BEND3: variants seen among roughly 807,000 people sequenced by gnomAD.
The protein encoded by BEND3 is BEN domain-containing protein 3.
Under a neutral mutation model 60.1 loss-of-function variants are expected in BEND3, and 13 were observed. The ratio of observed to expected loss-of-function variants is 0.22; its 90% CI spans 0.14 to 0.34. BEND3 has a LOEUF of 0.34. Ranked by LOEUF, BEND3 falls within the 10% of genes least tolerant of loss-of-function variation. The pLI is 1.00. For missense variants in BEND3, 896 were observed against 1,138.1 expected, an observed-to-expected ratio of 0.79 and a Z score of 3.06; for synonymous variants, 497 against 491.5, an observed-to-expected ratio of 1.01 and a Z score of -0.15.
chr6:107,102,756 G>T (rs1170598576), intron 1 of BEND3, among the ~76,000 whole-genome samples: 1 of 152,208 alleles, frequency 6.6e-6, no homozygotes, highest in African/African-American at 2.4e-5. Flanking sequence ...GCAGTGGGGA[G>T]TGAGGTGAGC....
intron 3 of BEND3, among the ~76,000 whole-genome samples, chr6:107,085,567 C>T (rs61282127): frequency 0.31 from 47,787 of 151,740 alleles, 7,698 homozygotes; most frequent in Admixed American, 0.39. Flanking sequence ...TCTCGGCTCA[C>T]TGCTAGCTCT....
At chr6:107,086,367 A>C (rs1775347563) in intron 3 of BEND3, among the ~76,000 whole-genome samples, 1 of 152,084 alleles carries the variant, frequency 6.6e-6, no homozygotes, top group African/African-American at 2.4e-5. Flanking sequence ...TGGTAATCCC[A>C]GCACCCCAGG....
At chr6:107,090,481 T>G (rs1222571091) in intron 3 of BEND3, among the ~76,000 whole-genome samples, 1 of 152,226 alleles carries the variant, frequency 6.6e-6, no homozygotes, top group African/African-American at 2.4e-5. Flanking sequence ...AAGGAATAAC[T>G]GAAGGTAAAA....
intron 1 of BEND3, among the ~76,000 whole-genome samples, chr6:107,103,960 AAAGAAAG>A (rs1442755610): frequency 5.7e-4 from 6 of 10,476 alleles, no homozygotes; most frequent in African/African-American, 1.7e-3. Context: ...AAAAAAAAAA[AAAGAAAG>A]AAAGAAAGAA....
intron 3 of BEND3, among the ~76,000 whole-genome samples, chr6:107,090,327 C>T (rs906028686): frequency 5.3e-5 from 8 of 151,896 alleles, no homozygotes; most frequent in Admixed American, 6.6e-5. Flanking sequence ...CCAGCCTGGA[C>T]GACAGAGCAA....
intron 3 of BEND3, among the ~76,000 whole-genome samples, chr6:107,098,285 C>T (rs1554236275): frequency 1.3e-5 from 2 of 152,218 alleles, no homozygotes; most frequent in African/African-American, 4.8e-5. Context: ...CTCCTGCTTT[C>T]CCCCACAAAG....
At chr6:107,114,565 C>A (rs1554238999) in intron 1 of BEND3, 1 of 151,608 alleles carries the variant, frequency 6.6e-6, no homozygotes, top group Non-Finnish European at 1.5e-5. Flanking sequence ...CAGTCCCCGC[C>A]CCCTGCTCCC....
At chr6:107,073,851 A>G (rs1458808694) in intron 3 of BEND3, among the ~76,000 whole-genome samples, 4 of 151,892 alleles carry the variant, frequency 2.6e-5, no homozygotes, top group Non-Finnish European at 5.9e-5. Context: ...ACACCACTGC[A>G]CTCCAGCCTG....
rs1363088512 is a variant in BEND3 at position 107,103,958 on chromosome 6, AAAAAGAAAGAAAGAAAG to A, written c.-11-4679_-11-4663del. On this transcript the variant is annotated intron_variant, in intron 1 of 3. Transcript: ENST00000369042. Reference sequence around the variant, plus strand: ...AGCGAAACTCCGTCTCAAAAAAAAAAAAAAGAAAGAAAGAAAGAAAGAAAGAAAGAAAAAACAAAGAA... The same window carrying A: ...AGCGAAACTCCGTCTCAAAAAAAAAAAAAGAAAGAAAGAAAAAACAAAGAA... 4.8e-5 allele frequency among the ~76,000 whole-genome samples: 6 copies of A among 125,676 alleles called. 1 individual carries two copies. In the South Asian group the frequency reaches 1.2e-3, roughly 26 times the overall value. 82.4% of individuals were successfully genotyped at this position (125,676 alleles called of 152,430 possible).
At chr6:107,098,898 T>C in intron 2 of BEND3, 145 bp from the exon 3 acceptor site, 1 of 665,560 alleles carries the variant, frequency 1.5e-6, no homozygotes, top group South Asian at 1.9e-5. Context: ...AAACCTGAGC[T>C]TTCCAACGAT....
intron 1 of BEND3, chr6:107,114,351 C>G (rs1329838363): frequency 6.6e-6 from 1 of 152,114 alleles, no homozygotes; most frequent in African/African-American, 2.4e-5. Context: ...GGGCCCGCCT[C>G]CAGCTCCTGG....
intron 1 of BEND3, among the ~76,000 whole-genome samples, chr6:107,114,782 C>T (rs1450738126): frequency 6.8e-6 from 1 of 146,728 alleles, no homozygotes; most frequent in Non-Finnish European, 1.5e-5. Context: ...GAACCCCCCG[C>T]CCCCGCGCGG....
At chr6:107,071,838 T>G (rs1439393934) in intron 3 of BEND3, among the ~76,000 whole-genome samples, 1 of 152,206 alleles carries the variant, frequency 6.6e-6, no homozygotes, top group Non-Finnish European at 1.5e-5. Flanking sequence ...AGTGACAGAA[T>G]GCAGATAGTC....
chr6:107,114,696 C>T (rs1383100837), intron 1 of BEND3, among the ~76,000 whole-genome samples: 1 of 147,082 alleles, frequency 6.8e-6, no homozygotes, highest in Non-Finnish European at 1.5e-5. Flanking sequence ...CATCGCGGCG[C>T]CCGGCGGGGG....
chr6:107,072,435 T>C (rs1050459479), intron 3 of BEND3, among the ~76,000 whole-genome samples: 1 of 152,198 alleles, frequency 6.6e-6, no homozygotes, highest in Non-Finnish European at 1.5e-5. Context: ...TGCTCTCAGT[T>C]TATCTCATCC....
At position 107,068,409 on chromosome 6, in the gene BEND3, A is replaced by G; in HGVS notation, c.*295T>C. On this transcript the variant is annotated 3_prime_UTR_variant, in exon 4 of 4. Transcript: ENST00000369042. This position sits in a 1 kb window ranked among gnomAD's most constrained non-coding sequence, Gnocchi z 5.8. ...GTGAGGGGCTGGGGAGGGCACAACC[A>G]GGGAGAGAGGACCCCTAACCTCTGG... The G allele has an allele frequency of 3.0e-6, 1 of 332,528 alleles. No homozygotes were observed. Among genetic ancestry groups the G allele is most frequent in the Non-Finnish European group, 5.5e-6 (1 of 183,282 alleles). The allele number at this position is 332,528 out of a possible 1,614,324, so 20.6% of individuals were successfully genotyped here.
In BEND3 at chr6:107,107,906, G is replaced by A. The variant is rs1003582356; in HGVS notation, c.-12+7184C>T. Among the ~76,000 whole-genome samples, 6 of 152,322 alleles carry A rather than the reference G, an allele frequency of 3.9e-5. No homozygotes were observed. In the South Asian group the frequency reaches 1.0e-3, roughly 26 times the overall value. On this transcript the variant is annotated intron_variant, in intron 1 of 3. Transcript: ENST00000369042. The stretch of plus-strand genomic sequence containing the variant: ...TGAAACCAAATAAAATGCTCTCCCT[G>A]AGGACAGGAGGAATGTTCCCATGCC...
intron 3 of BEND3, among the ~76,000 whole-genome samples, chr6:107,084,696 G>A (rs538491821): frequency 1.3e-5 from 2 of 152,186 alleles, no homozygotes; most frequent in East Asian, 3.9e-4. Flanking sequence ...AGCACTCTGT[G>A]TCTAGCTAAA....
intron 3 of BEND3, among the ~76,000 whole-genome samples, chr6:107,072,970 AGAGT>A (rs1429160602): frequency 2.6e-5 from 4 of 151,974 alleles, no homozygotes; most frequent in Non-Finnish European, 5.9e-5. Context: ...CCTGGGTGAC[AGAGT>A]GAGACCCCAT....
Sources: allele counts gnomAD v4.1 joint callset (sites outside exome capture counted in the v4.1 genomes callset), GRCh38; gene constraint gnomAD v4.1.1; non-coding constraint Gnocchi (gnomAD v3.1); transcripts MANE v1.5; gene names NCBI Gene and HGNC (gene_info 2026-07-23, HGNC 2026-07-21).